Variants in MPP7 observed in about 807,000 individuals in gnomAD.
MPP7 encodes MAGUK p55 scaffold protein 7, also known as MAGUK p55 subfamily member 7.
MPP7 carries 60 observed loss-of-function variants against 76.5 expected under a neutral mutation model. The observed-to-expected ratio is 0.78, with a 90% CI of 0.64 to 0.97. The LOEUF (loss-of-function observed/expected upper bound fraction) is 0.97. Ranked by LOEUF, MPP7 falls within the 50% of genes least tolerant of loss-of-function variation. MPP7 has a pLI of 0.00. For synonymous variants in MPP7, 237 were observed against 244.5 expected (o/e 0.97, Z 0.29); for missense variants, 641 against 694.0 (o/e 0.92, Z 0.86).
intron 3 of MPP7, among the ~76,000 whole-genome samples, chr10:28,173,463 T>C (rs1481250117): frequency 2.6e-5 from 4 of 152,162 alleles, no homozygotes; most frequent in African/African-American, 9.7e-5. Flanking sequence ...AAGGAATAAA[T>C]GTTCTAAGTG....
intron 2 of MPP7, among the ~76,000 whole-genome samples, chr10:28,215,297 C>A (rs956369348): frequency 1.4e-5 from 2 of 146,242 alleles, no homozygotes; most frequent in African/African-American, 5.2e-5. Flanking sequence ...TCTGTCTAGG[C>A]AGTGGGCAAG....
chr10:28,263,351 T>C (rs904965922), intron 1 of MPP7, among the ~76,000 whole-genome samples: 14 of 146,440 alleles, frequency 9.6e-5, no homozygotes, highest in Non-Finnish European at 2.1e-4. Context: ...TGTGTTTGCA[T>C]AGTTCTGCAA....
intron 13 of MPP7, among the ~76,000 whole-genome samples, chr10:28,066,634 C>T (rs1851998740): frequency 6.6e-6 from 1 of 152,208 alleles, no homozygotes; most frequent in Middle Eastern, 3.2e-3. Flanking sequence ...AGCCAGCACT[C>T]TAACAAGAAG....
chr10:28,055,306 A>G (rs1475893192), intron 16 of MPP7, among the ~76,000 whole-genome samples: 1 of 152,186 alleles, frequency 6.6e-6, no homozygotes, highest in Non-Finnish European at 1.5e-5. Flanking sequence ...CTCAGAACGG[A>G]TATGTACTGT....
chr10:28,096,755 T>A (rs1289065184), intron 11 of MPP7, among the ~76,000 whole-genome samples: 10 of 152,174 alleles, frequency 6.6e-5, no homozygotes, highest in Admixed American at 3.9e-4. Flanking sequence ...TTACACTTAA[T>A]TTTTTAATTC....
At chr10:28,245,498 C>T (rs556695503) in intron 1 of MPP7, among the ~76,000 whole-genome samples, 8 of 152,190 alleles carry the variant, frequency 5.3e-5, no homozygotes, top group African/African-American at 1.9e-4. Context: ...AATGAGAGCA[C>T]AGATTTTGAA....
chr10:28,299,040 A>G (rs1420243227), intron 1 of MPP7, among the ~76,000 whole-genome samples: 1 of 152,174 alleles, frequency 6.6e-6, no homozygotes, highest in Non-Finnish European at 1.5e-5. Flanking sequence ...TATCCAGACC[A>G]CTAAAACCTT....
rs149925091 is a variant in MPP7 at position 28,283,556 on chromosome 10, T to G, written c.-132+19305A>C. ...GTGAGACAGAGTCTCACTCTTCCACTCAGGCTGGAGTGCAGTGGCGCAATC... is the reference window on the plus strand; with the variant it reads ...GTGAGACAGAGTCTCACTCTTCCACGCAGGCTGGAGTGCAGTGGCGCAATC... On this transcript the variant is annotated intron_variant, in intron 1 of 16. Coordinates refer to ENST00000683449, the MANE Select transcript of MPP7 (RefSeq NM_001318170.2). Among the ~76,000 whole-genome samples, 8 of 152,142 alleles carry G rather than the reference T, an allele frequency of 5.3e-5. 1 individual carries two copies. Among genetic ancestry groups the G allele is most frequent in the Non-Finnish European group, 8.8e-5 (6 of 68,018 alleles).
chr10:28,284,067 AT>A (rs1840741923), intron 1 of MPP7, among the ~76,000 whole-genome samples: 1 of 152,190 alleles, frequency 6.6e-6, no homozygotes, highest in Non-Finnish European at 1.5e-5. Context: ...AACAACTGAA[AT>A]CATTTATTAA....
intron 1 of MPP7, among the ~76,000 whole-genome samples, chr10:28,250,862 G>T (rs1839592302): frequency 6.6e-6 from 1 of 152,156 alleles, no homozygotes; most frequent in South Asian, 2.1e-4. Flanking sequence ...GAGCAAAAAG[G>T]ATCATAATAG....
chr10:28,135,435 A>G (rs1835324279), intron 5 of MPP7, among the ~76,000 whole-genome samples: 1 of 152,028 alleles, frequency 6.6e-6, no homozygotes, highest in Non-Finnish European at 1.5e-5. Flanking sequence ...ATATCTGGAG[A>G]CAATTTTTGA....
chr10:28,062,021 A>G (rs1271655296), intron 13 of MPP7, among the ~76,000 whole-genome samples: 1 of 152,212 alleles, frequency 6.6e-6, no homozygotes, highest in Non-Finnish European at 1.5e-5. Flanking sequence ...GAAGTTTTTT[A>G]GGCTGAAGAT....
At chr10:28,121,688 A>G (rs1660721126) in intron 8 of MPP7, among the ~76,000 whole-genome samples, 1 of 152,102 alleles carries the variant, frequency 6.6e-6, no homozygotes, top group Admixed American at 6.6e-5. Flanking sequence ...GCTAATTTGT[A>G]AGCTCCATAA....
intron 1 of MPP7, among the ~76,000 whole-genome samples, chr10:28,294,633 T>C (rs1300053602): frequency 6.6e-6 from 1 of 152,214 alleles, no homozygotes; most frequent in African/African-American, 2.4e-5. Context: ...TCATATTTTT[T>C]CCCCAGCACA....
intron 11 of MPP7, among the ~76,000 whole-genome samples, chr10:28,097,965 A>C (rs1314983801): frequency 6.6e-6 from 1 of 152,174 alleles, no homozygotes; most frequent in East Asian, 1.9e-4. Context: ...AAAATTTTAA[A>C]ACTTGGACAG....
At chr10:28,091,021 C>T (rs1409380983) in intron 11 of MPP7, among the ~76,000 whole-genome samples, 1 of 151,996 alleles carries the variant, frequency 6.6e-6, no homozygotes, top group Non-Finnish European at 1.5e-5. Context: ...GTGGTGCACA[C>T]ATGTAATCTC....
At chr10:28,077,082 C>CAAAAAAAAAA (rs10577715) in intron 12 of MPP7, among the ~76,000 whole-genome samples, 4 of 107,134 alleles carry the variant, frequency 3.7e-5, no homozygotes, top group African/African-American at 1.1e-4. Context: ...TCTCTAACTA[C>CAAAAAAAAAA]AAAAAAAAAA....
intron 1 of MPP7, among the ~76,000 whole-genome samples, chr10:28,277,360 G>A (rs1304801262): frequency 2.8e-5 from 4 of 140,442 alleles, no homozygotes; most frequent in African/African-American, 8.1e-5. Context: ...GATAGCTGAC[G>A]AGCAAAAAAA....
chr10:28,125,056 C>CG lies in MPP7; in HGVS notation c.482dup (p.Ile162AspfsTer14). 1 of 1,614,016 alleles carries CG rather than the reference C, an allele frequency of 6.2e-7. No homozygotes were observed. The highest frequency in any genetic ancestry group is 8.5e-7 in the Non-Finnish European group (1 of 1,179,974). On this transcript the variant is annotated frameshift_variant, in exon 7 of 17. Transcript: ENST00000683449. LOFTEE classifies it high-confidence loss of function. ...CTCTCATGATTCTGGCCACAATGAT[C>CG]GCCCCGGTCTGTTCATCCTTCTTAA...
Sources: allele counts gnomAD v4.1 joint callset (sites outside exome capture counted in the v4.1 genomes callset), GRCh38; gene constraint gnomAD v4.1.1; transcripts MANE v1.5; gene names NCBI Gene and HGNC (gene_info 2026-07-23, HGNC 2026-07-21).